The following VEPH1 variants were observed in gnomAD, a reference collection of about 807,000 sequenced individuals.
The protein encoded by VEPH1 is ventricular zone-expressed PH domain-containing protein homolog 1.
Under a neutral mutation model 85.2 loss-of-function variants are expected in VEPH1, and 80 were observed. The observed-to-expected ratio is 0.94, with a 90% CI of 0.78 to 1.13. The LOEUF (loss-of-function observed/expected upper bound fraction) is 1.13, where lower values mean the gene tolerates loss of function less well. Ranked by LOEUF, VEPH1 falls within the 50% of genes most tolerant of loss-of-function variation. The probability of loss-of-function intolerance (pLI) is 0.00; values close to 1 mark genes in which losing one functional copy is unlikely to be tolerated. For synonymous variants in VEPH1, 297 were observed against 348.0 expected (o/e 0.85, Z 1.63); for missense variants, 955 against 980.5 (o/e 0.97, Z 0.35).
chr3:157,420,914 G>A (rs114295578), intron 5 of VEPH1, among the ~76,000 whole-genome samples: 2,681 of 152,274 alleles, frequency 0.018, 66 homozygotes, highest in African/African-American at 0.059. Flanking sequence ...TGTTCCTTTC[G>A]TTGGCTAGAC....
rs559942648 is a variant in VEPH1, at chr3:157,465,293, C to T, written c.355-4938G>A. ...GCTTATAATTTGGGGAAAGGAGAGA[C>T]AGGATATTTAAAAAGTGGCTATAAC... On this transcript the variant is annotated intron_variant, in intron 3 of 13. Transcript: ENST00000362010. 7.2e-5 allele frequency among the ~76,000 whole-genome samples: 11 copies of T among 152,232 alleles called. No homozygotes were observed. The East Asian group carries it at 1.4e-3, about 19-fold the overall frequency.
At chr3:157,378,306 GTATATATA>G (rs56800722) in intron 7 of VEPH1, among the ~76,000 whole-genome samples, 1,990 of 93,306 alleles carry the variant, frequency 0.021, 18 homozygotes, top group African/African-American at 0.024. Context: ...TTTTTGAATG[GTATATATA>G]TATATATATA....
Position 157,317,271 on chromosome 3 carries a change from A to G in VEPH1, c.1736-70T>C, listed in dbSNP as rs1720851612. The G allele has an allele frequency of 2.2e-6, 3 of 1,381,712 alleles. No homozygotes were observed. The East Asian group carries it at 7.6e-5, about 35-fold the overall frequency. The allele number at this position is 1,381,712 out of a possible 1,614,324, so 85.6% of individuals were successfully genotyped here. ...AGTTACACTTTATATTGATACTTCA[A>G]CACACAAATGCCTTTATAAAATATC... On this transcript the variant is annotated intron_variant, in intron 9 of 13. Coordinates refer to ENST00000362010, the MANE Select transcript of VEPH1 (RefSeq NM_001167912.2).
At chr3:157,432,439 G>A (rs1382856570) in intron 4 of VEPH1, among the ~76,000 whole-genome samples, 5 of 151,898 alleles carry the variant, frequency 3.3e-5, no homozygotes, top group Non-Finnish European at 5.9e-5. Context: ...TTATGGTTTT[G>A]CTTTCTTGTA....
rs1475045051 is a variant in VEPH1, at chr3:157,381,078, T to C, written c.1127+78A>G. ...ACAGGTTTTAGCTTCCTTTGGAAGTTAGAGAGGCTTAACTGTCTGCATTCT... is the reference window on the plus strand; with the variant it reads ...ACAGGTTTTAGCTTCCTTTGGAAGTCAGAGAGGCTTAACTGTCTGCATTCT... On this transcript the variant is annotated intron_variant, in intron 7 of 13. Coordinates refer to ENST00000362010, the MANE Select transcript of VEPH1 (RefSeq NM_001167912.2). 5.5e-6 allele frequency: 8 copies of C among 1,450,740 alleles called. No individual in the cohort carries two copies. The African/African-American group carries it at 8.4e-5, about 15-fold the overall frequency. 89.9% of individuals were successfully genotyped at this position (1,450,740 alleles called of 1,614,324 possible).
intron 6 of VEPH1, among the ~76,000 whole-genome samples, chr3:157,411,376 A>C (rs1731517566): frequency 6.6e-6 from 1 of 152,304 alleles, no homozygotes; most frequent in South Asian, 2.1e-4. Flanking sequence ...GAAAATTATT[A>C]AATTAATTAG....
chr3:157,431,614 G>A (rs1484053143), intron 4 of VEPH1, among the ~76,000 whole-genome samples: 1 of 151,636 alleles, frequency 6.6e-6, no homozygotes, highest in Non-Finnish European at 1.5e-5. Context: ...CAGGTTCCGG[G>A]GATTAGAACA....
intron 6 of VEPH1, among the ~76,000 whole-genome samples, chr3:157,387,127 A>T (rs972298305): frequency 6.6e-6 from 1 of 152,200 alleles, no homozygotes; most frequent in Admixed American, 6.5e-5. Flanking sequence ...CACAGGCAGT[A>T]ATTTGTTGAC....
intron 6 of VEPH1, among the ~76,000 whole-genome samples, chr3:157,398,524 C>T (rs1577564777): frequency 6.6e-6 from 1 of 151,948 alleles, no homozygotes; most frequent in African/African-American, 2.4e-5. Flanking sequence ...GTCTCAGCTA[C>T]TTAGGGGGCT....
intron 5 of VEPH1, 135 bp from the exon 6 acceptor site, chr3:157,414,225 C>T (rs1003230405): frequency 1.6e-6 from 1 of 617,666 alleles, no homozygotes; most frequent in Non-Finnish European, 2.8e-6. Context: ...TATTACCCTC[C>T]TTGGTACTCA....
At chr3:157,332,738 A>C (rs1171408310) in intron 9 of VEPH1, among the ~76,000 whole-genome samples, 1 of 152,176 alleles carries the variant, frequency 6.6e-6, no homozygotes, top group Non-Finnish European at 1.5e-5. Flanking sequence ...ACTTGTTTTC[A>C]ATTCTTTGGA....
At chr3:157,446,191 T>TAC (rs1734537859) in intron 4 of VEPH1, among the ~76,000 whole-genome samples, 1 of 151,456 alleles carries the variant, frequency 6.6e-6, no homozygotes, top group Admixed American at 6.6e-5. Flanking sequence ...TATATATATA[T>TAC]ACATATAAAT....
At chr3:157,459,649 A>G in intron 4 of VEPH1, 1 of 1,313,466 alleles carries the variant, frequency 7.6e-7, no homozygotes, top group Non-Finnish European at 9.7e-7. Context: ...TGAGCTTCTT[A>G]TTCATTCAAA....
chr3:157,411,510 G>A (rs1474551657), intron 6 of VEPH1, among the ~76,000 whole-genome samples: 4 of 152,248 alleles, frequency 2.6e-5, no homozygotes, highest in African/African-American at 9.6e-5. Flanking sequence ...ACAAATAGCT[G>A]CGTCAGAATT....
rs536266028 is a variant in VEPH1, at chr3:157,427,370, G to A, written c.696+952C>T. Among the ~76,000 whole-genome samples the A allele has an allele frequency of 2.6e-5, 4 of 151,062 alleles. No individual in the cohort carries two copies. In the South Asian group the frequency reaches 6.3e-4, roughly 24 times the overall value. ...CCTGACCTTGTGATCCACCAGCCTC[G>A]ACCTCCCAAAGTGCTGGCATTACAG... is the stretch of plus-strand genomic sequence containing the variant. On this transcript the variant is annotated intron_variant, in intron 5 of 13. Coordinates refer to ENST00000362010, the MANE Select transcript of VEPH1 (RefSeq NM_001167912.2).
intron 6 of VEPH1, among the ~76,000 whole-genome samples, chr3:157,408,392 A>G (rs977630229): frequency 2.6e-5 from 4 of 152,272 alleles, no homozygotes; most frequent in Non-Finnish European, 4.4e-5. Flanking sequence ...CTCTTAAGTT[A>G]TAATTATGTC....
intron 6 of VEPH1, among the ~76,000 whole-genome samples, chr3:157,404,897 C>T (rs1218219194): frequency 2.6e-5 from 4 of 152,176 alleles, no homozygotes; most frequent in South Asian, 2.1e-4. Flanking sequence ...GCAACTGCTT[C>T]GTCCTCTTCA....
chr3:157,459,747 T>C (rs1735662859), intron 4 of VEPH1: 1 of 1,438,390 alleles, frequency 7.0e-7, no homozygotes, highest in African/African-American at 1.4e-5. Context: ...ATTTAAGAAG[T>C]CATTACACAT....
intron 7 of VEPH1, among the ~76,000 whole-genome samples, chr3:157,366,673 T>TG (rs1448340295): frequency 2.6e-5 from 4 of 152,048 alleles, no homozygotes; most frequent in African/African-American, 9.7e-5. Context: ...AGGCAGAGGT[T>TG]GCAGTGAGCA....
Sources: gnomAD v4.1 joint callset for allele counts (sites outside exome capture counted in the v4.1 genomes callset) on GRCh38, gnomAD v4.1.1 for gene constraint, MANE v1.5 for transcripts, NCBI Gene and HGNC (gene_info 2026-07-23, HGNC 2026-07-21) for gene names.